The following PCLO variants were observed in gnomAD, a reference collection of about 807,000 sequenced individuals.
The protein encoded by PCLO is protein piccolo.
A neutral mutation model predicts 427.5 loss-of-function variants in PCLO; 82 were observed. The ratio of observed to expected loss-of-function variants is 0.19; its 90% CI spans 0.16 to 0.23. The LOEUF is 0.23. Among genes scored for constraint, PCLO ranks in the 10% least tolerant of loss-of-function variants. The probability of loss-of-function intolerance (pLI) is 1.00; values close to 1 mark genes in which losing one functional copy is unlikely to be tolerated. For synonymous variants in PCLO, 2,357 were observed against 2,155.4 expected (o/e 1.09, Z -2.59); for missense variants, 6,239 against 6,115.9 (o/e 1.02, Z -0.67).
At chr7:82,892,876 A>G (rs1793804927) in intron 9 of PCLO, among the ~76,000 whole-genome samples, 1 of 151,998 alleles carries the variant, frequency 6.6e-6, no homozygotes. Flanking sequence ...ACAATGAGAT[A>G]CCATCTCACA....
chr7:82,899,201 C>T lies in PCLO; in HGVS notation c.13528+3450G>A, dbSNP rs939866366. On this transcript the variant is annotated intron_variant, in intron 9 of 24. Transcript: ENST00000333891. ...TACATAAACTCAATTAAAACATTAA[C>T]ATATAAATGAAAGTAGAGCTAACAA... Among the ~76,000 whole-genome samples the T allele has an allele frequency of 4.0e-5, 6 of 151,378 alleles. No individual in the cohort carries two copies. The Middle Eastern group carries it at 0.01, about 261-fold the overall frequency.
Position 82,952,844 on chromosome 7 carries a change from A to C in PCLO, c.8109T>G (p.Leu2703=). 2 of 1,613,576 alleles carry C rather than the reference A, an allele frequency of 1.2e-6. No homozygotes were observed. ...TCTCTAAATGTATGTTATCTAGAGC[A>C]AGAGGCTCTGGAGGAATTGTTATGG... The part of the protein sequence containing the change: ...SISITIPPEP[L]ALDNIHLEKP... Residue 2703 remains leucine, a synonymous_variant, in exon 5 of 25, where the codon CTT becomes CTG. Coordinates refer to ENST00000333891, the MANE Select transcript of PCLO (RefSeq NM_033026.6).
chr7:82,994,721 C>A (rs1796456402), intron 3 of PCLO, among the ~76,000 whole-genome samples: 1 of 151,668 alleles, frequency 6.6e-6, no homozygotes, highest in Non-Finnish European at 1.5e-5. Context: ...TCACAGATAA[C>A]CATTTTCAAA....
At chr7:83,057,017 C>A (rs1226159815) in intron 3 of PCLO, among the ~76,000 whole-genome samples, 3 of 151,864 alleles carry the variant, frequency 2.0e-5, no homozygotes, top group Non-Finnish European at 4.4e-5. Flanking sequence ...TTATGTGCAG[C>A]AATATCTACT....
chr7:83,131,224 G>A (rs1462483525), intron 3 of PCLO, among the ~76,000 whole-genome samples: 1 of 152,166 alleles, frequency 6.6e-6, no homozygotes, highest in African/African-American at 2.4e-5. Context: ...GCTGTCAGAG[G>A]TTAACGGATC....
At chr7:83,056,968 A>G (rs1789394871) in intron 3 of PCLO, among the ~76,000 whole-genome samples, 1 of 152,150 alleles carries the variant, frequency 6.6e-6, no homozygotes, top group Non-Finnish European at 1.5e-5. Flanking sequence ...CATGTGCTCT[A>G]AACTGTATAT....
intron 13 of PCLO, among the ~76,000 whole-genome samples, chr7:82,843,167 G>GA (rs1442412164): frequency 6.6e-6 from 1 of 152,108 alleles, no homozygotes; most frequent in Admixed American, 6.6e-5. Flanking sequence ...TCTATCAATT[G>GA]ATGATTAGGT....
chr7:82,760,085 G>A lies in PCLO; in HGVS notation c.15288+554C>T, dbSNP rs117512718. Among the ~76,000 whole-genome samples the A allele has an allele frequency of 1.4e-4, 21 of 152,014 alleles. No individual in the cohort carries two copies. In the East Asian group the frequency reaches 3.3e-3, roughly 24 times the overall value. On this transcript the variant is annotated intron_variant, in intron 24 of 24. Transcript: ENST00000333891. Reference sequence around the variant, plus strand: ...GAAAAAATATGAGCAAAGGATTGGAGGCTTAACATGACTTGAAAACAGTCT... The same window carrying A: ...GAAAAAATATGAGCAAAGGATTGGAAGCTTAACATGACTTGAAAACAGTCT...
intron 3 of PCLO, among the ~76,000 whole-genome samples, chr7:83,086,276 A>G (rs1423613637): frequency 6.6e-6 from 1 of 152,042 alleles, no homozygotes; most frequent in East Asian, 1.9e-4. Context: ...ACGCCCAGCT[A>G]ATTTTTGTAT....
At chr7:82,802,839 G>A (rs116481298) in intron 21 of PCLO, among the ~76,000 whole-genome samples, 1,534 of 152,102 alleles carry the variant, frequency 0.01, 26 homozygotes, top group African/African-American at 0.035. Flanking sequence ...CTTCAGAGAA[G>A]GTGCTGAAAT....
In PCLO at chr7:82,953,728, G is replaced by C. The variant is rs765474153; in HGVS notation, c.7225C>G (p.Pro2409Ala). ...GGAGGAGGAGGAGGGGGAGGGGGAG[G>C]AGGGGGAGGAGGTTGAGCTGATATA... ...LDISAQPPPP[P>A]PPPPPPPPPP... is the part of the protein sequence containing the mutation. The change falls in exon 5 of 25, where the codon CCT becomes GCT. Residue 2409 changes from proline to alanine, a missense_variant. By Grantham distance (27) the Pro-to-Ala change is conservative. Transcript: ENST00000333891. 1.0e-6 allele frequency: 1 copy of C among 995,092 alleles called. No individual in the cohort carries two copies. Among genetic ancestry groups the C allele is most frequent in the Admixed American group, 2.4e-5 (1 of 41,568 alleles). The allele number at this position is 995,092 out of a possible 1,614,324, so 61.6% of individuals were successfully genotyped here.
intron 8 of PCLO, among the ~76,000 whole-genome samples, chr7:82,905,183 C>T (rs1221723098): frequency 4.6e-5 from 7 of 152,014 alleles, no homozygotes; most frequent in Non-Finnish European, 1.0e-4. Context: ...TTGGTGATTC[C>T]TCATTGATAG....
Position 82,775,119 on chromosome 7 carries a change from T to G in PCLO, c.15008-13626A>C, listed in dbSNP as rs558301622. Among the ~76,000 whole-genome samples the G allele has an allele frequency of 8.3e-4, 127 of 152,340 alleles. 1 individual carries two copies. Among genetic ancestry groups the G allele is most frequent in the African/African-American group, 2.9e-3 (119 of 41,580 alleles). On this transcript the variant is annotated intron_variant, in intron 22 of 24. Transcript: ENST00000333891. The stretch of plus-strand genomic sequence containing the variant: ...CATTGTCTGAACAATAAACCACAGT[T>G]TATTTATCCATTCATCTACGGAAGG...
At position 82,914,721 on chromosome 7, in the gene PCLO, A is replaced by G. The variant is rs778182767; in HGVS notation, c.13265T>C (p.Met4422Thr). The G allele has an allele frequency of 1.2e-6, 2 of 1,613,064 alleles. No homozygotes were observed. The highest frequency in any genetic ancestry group is 2.2e-5 in the East Asian group (1 of 44,728). The change falls in exon 7 of 25, where the codon ATG becomes ACG. Residue 4422 changes from methionine to threonine, a missense_variant. By Grantham distance (81) the Met-to-Thr change is moderately conservative. Transcript: ENST00000333891. ...TGACATGGCATGTTGGAAGTCATCC[A>G]TGATGAATGCTATGTCACGGTCATA... ...RGYDRDIAFI[M>T]DDFQHAMSDS... is the part of the protein sequence containing the mutation.
At chr7:82,859,416 C>T (rs978472378) in intron 10 of PCLO, among the ~76,000 whole-genome samples, 4 of 152,264 alleles carry the variant, frequency 2.6e-5, no homozygotes, top group African/African-American at 7.2e-5. Context: ...GAGAGACAGA[C>T]GTTATGTTTG....
At chr7:82,766,264 A>G (rs1171575699) in intron 22 of PCLO, among the ~76,000 whole-genome samples, 1 of 152,052 alleles carries the variant, frequency 6.6e-6, no homozygotes, top group East Asian at 1.9e-4. Context: ...ATGCCTCCCC[A>G]TTACTGGAGC....
chr7:82,992,843 T>C (rs1554369763), intron 3 of PCLO, among the ~76,000 whole-genome samples: 2 of 146,762 alleles, frequency 1.4e-5, no homozygotes, highest in Non-Finnish European at 3.0e-5. Context: ...AGTACATTCA[T>C]TCACCAAGGA....
At chr7:82,959,951 T>C (rs994992077) in intron 4 of PCLO, among the ~76,000 whole-genome samples, 1 of 152,140 alleles carries the variant, frequency 6.6e-6, no homozygotes, top group Non-Finnish European at 1.5e-5. Flanking sequence ...CCCATTTGGA[T>C]CTCTTCCCAT....
At chr7:83,104,144 T>G (rs1488674711) in intron 3 of PCLO, among the ~76,000 whole-genome samples, 1 of 150,784 alleles carries the variant, frequency 6.6e-6, no homozygotes, top group Admixed American at 6.7e-5. Flanking sequence ...TTAATTTACC[T>G]GTAAATATTT....
Sources: allele counts gnomAD v4.1 joint callset (sites outside exome capture counted in the v4.1 genomes callset), GRCh38; gene constraint gnomAD v4.1.1; transcripts MANE v1.5; gene names NCBI Gene and HGNC (gene_info 2026-07-23, HGNC 2026-07-21).